Variants in SYNE1 observed in about 807,000 individuals in gnomAD.
SYNE1 encodes spectrin repeat containing nuclear envelope protein 1, also known as nesprin-1.
In SYNE1, 616 loss-of-function variants were observed where a neutral mutation model predicts 1,111.0. The observed-to-expected ratio is 0.55, with a 90% CI of 0.52 to 0.59. SYNE1 has a LOEUF of 0.59. Among genes scored for constraint, SYNE1 ranks in the 20% least tolerant of loss-of-function variants. SYNE1 has a pLI of 0.00. For synonymous variants in SYNE1, 3,855 were observed against 3,825.8 expected (o/e 1.01, Z -0.28); for missense variants, 10,006 against 10,417.0 (o/e 0.96, Z 1.72).
At position 152,221,519 on chromosome 6, in the gene SYNE1, T is replaced by C. The variant is rs565754195; in HGVS notation, c.21563A>G (p.Gln7188Arg). 3.1e-6 allele frequency: 5 copies of C among 1,614,020 alleles called. No individual in the cohort carries two copies. Among genetic ancestry groups the C allele is most frequent in the Non-Finnish European group, 4.2e-6 (5 of 1,179,952 alleles). ...DDLEKQERSL[Q>R]KFGSITNQLL... ...TTGGTTGGTGATAGAGCCAAATTTCTGTAAGCTCCTTTCCTGTTTTTCCAG... is the reference window on the plus strand; with the variant it reads ...TTGGTTGGTGATAGAGCCAAATTTCCGTAAGCTCCTTTCCTGTTTTTCCAG... The change falls in exon 118 of 146, where the codon CAG (glutamine) becomes CGG (arginine). Residue 7188 changes from glutamine to arginine, a missense_variant. Gln to Arg is a conservative substitution (Grantham distance 43, BLOSUM62 1). Transcript: ENST00000367255.
intron 3 of SYNE1, among the ~76,000 whole-genome samples, chr6:152,608,673 C>T (rs955105030): frequency 2.6e-5 from 4 of 152,170 alleles, no homozygotes; most frequent in African/African-American, 4.8e-5. Flanking sequence ...CAGTGGCTCA[C>T]GCCTATAATG....
chr6:152,322,988 T>A (rs2095917610), intron 82 of SYNE1, among the ~76,000 whole-genome samples: 1 of 152,190 alleles, frequency 6.6e-6, no homozygotes, highest in Admixed American at 6.5e-5. Flanking sequence ...TGGTTCACCA[T>A]CGTATCTCTA....
intron 16 of SYNE1, among the ~76,000 whole-genome samples, chr6:152,467,265 G>C (rs1181099898): frequency 6.6e-6 from 1 of 152,002 alleles, no homozygotes; most frequent in African/African-American, 2.4e-5. Flanking sequence ...TGAGAATAAA[G>C]TCAGACAATA....
At chr6:152,495,120 T>A (rs1380674497) in intron 11 of SYNE1, among the ~76,000 whole-genome samples, 1 of 152,190 alleles carries the variant, frequency 6.6e-6, no homozygotes, top group Admixed American at 6.5e-5. Context: ...CTTTCCATCA[T>A]GGAAATCTAT....
intron 116 of SYNE1, among the ~76,000 whole-genome samples, chr6:152,224,912 TATATGTATATATATACATATATAC>T (rs1413025874): frequency 2.0e-5 from 3 of 147,444 alleles, no homozygotes; most frequent in Non-Finnish European, 4.5e-5. Context: ...AATATATATA[TATATGTATATATATACATATATAC>T]ATATGTATAC....
intron 39 of SYNE1, among the ~76,000 whole-genome samples, chr6:152,421,632 CA>C (rs566364280): frequency 8.6e-5 from 13 of 151,940 alleles, no homozygotes; most frequent in African/African-American, 9.6e-5. Flanking sequence ...CGCAAGTTTC[CA>C]AACTAAGGTT....
At chr6:152,353,550 G>A (rs1563292105) in intron 68 of SYNE1, 39 bp downstream of exon 68, 1 of 1,614,012 alleles carries the variant, frequency 6.2e-7, no homozygotes, top group East Asian at 2.2e-5. Flanking sequence ...GGCTGGCGAA[G>A]TTTGCTGGTC....
In SYNE1 at chr6:152,329,885, C is replaced by T. The variant is rs768728823; in HGVS notation, c.14800G>A (p.Val4934Ile). ...TTCATGATTCTCAAGCTGGACTGGA[C>T]CTCTTCCTGATGAATTTGGATTTTT... ...IRKIQIHQEE[V>I]QSSLRIMNAL... Residue 4934 changes from valine (V) to isoleucine (I), a missense_variant, in exon 78 of 146, where the codon GTC (valine) becomes ATC (isoleucine). Coordinates refer to ENST00000367255, the MANE Select transcript of SYNE1 (RefSeq NM_182961.4). The T allele has an allele frequency of 3.1e-6, 5 of 1,614,154 alleles. No homozygotes were observed. The Admixed American group carries it at 5.0e-5, about 16-fold the overall frequency.
chr6:152,609,739 T>C (rs187093485), intron 3 of SYNE1, among the ~76,000 whole-genome samples: 1 of 152,118 alleles, frequency 6.6e-6, no homozygotes, highest in Non-Finnish European at 1.5e-5. Context: ...AGACACCTCA[T>C]ATAGGCAGGT....
In SYNE1 at chr6:152,423,127, G is replaced by A. The variant is rs1360022310; in HGVS notation, c.5267+2254C>T. On this transcript the variant is annotated intron_variant, in intron 39 of 145. Coordinates refer to ENST00000367255, the MANE Select transcript of SYNE1 (RefSeq NM_182961.4). ...CCTTTACCATGTATTCTCTTTGAGG[G>A]CTATACCTGTGAGGTTTCATCTACA... Among the ~76,000 whole-genome samples the A allele has an allele frequency of 2.6e-5, 4 of 152,216 alleles. No homozygotes were observed. The East Asian group carries it at 5.8e-4, about 22-fold the overall frequency.
Position 152,214,980 on chromosome 6 carries a change from A to G in SYNE1, c.22272T>C (p.Asp7424=), listed in dbSNP as rs762616751. 2.5e-6 allele frequency: 4 copies of G among 1,614,026 alleles called. No homozygotes were observed. Among genetic ancestry groups the G allele is most frequent in the Non-Finnish European group, 3.4e-6 (4 of 1,180,004 alleles). Residue 7424 remains aspartate (D), a synonymous_variant, in exon 122 of 146, where the codon GAT becomes GAC. Transcript: ENST00000367255. ...NELGYRLPLN[D]KEIKRMQNLN... is the part of the protein sequence containing the mutation. Reference sequence around the variant, plus strand: ...GATTCTGCATTCTTTTGATTTCCTTATCATTCAAGGGTAACCTATATCCAA... The same window carrying G: ...GATTCTGCATTCTTTTGATTTCCTTGTCATTCAAGGGTAACCTATATCCAA...
In SYNE1 at chr6:152,401,179, A is replaced by C; in HGVS notation, c.6988T>G (p.Cys2330Gly). 1 of 1,614,148 alleles carries C rather than the reference A, an allele frequency of 6.2e-7. No homozygotes were observed. Among genetic ancestry groups the C allele is most frequent in the Non-Finnish European group, 8.5e-7 (1 of 1,180,026 alleles). Residue 2330 changes from cysteine (C) to glycine (G), a missense_variant, in exon 47 of 146, where the codon TGT (cysteine) becomes GGT (glycine). Coordinates refer to ENST00000367255, the MANE Select transcript of SYNE1 (RefSeq NM_182961.4). ...GCTTCACAAGTCTCATTTTGGGCAC[A>C]GTTCATCAACGATTCTTCCACTTTT... is the stretch of plus-strand genomic sequence containing the variant. ...FTKVEESLMN[C>G]AQNETCEALK... is the part of the protein sequence containing the mutation.
chr6:152,425,287 A>G, intron 39 of SYNE1, 94 bp downstream of exon 39: 1 of 1,397,516 alleles, frequency 7.2e-7, no homozygotes, highest in South Asian at 1.3e-5. Context: ...AGTTGAGTTA[A>G]ATAAAAGTAA....
intron 104 of SYNE1, among the ~76,000 whole-genome samples, chr6:152,250,471 A>C (rs1369157501): frequency 3.3e-5 from 5 of 152,176 alleles, no homozygotes; most frequent in Non-Finnish European, 7.4e-5. Context: ...AACATCTATA[A>C]GAACATGTGA....
At position 152,516,669 on chromosome 6, in the gene SYNE1, C is replaced by A. The variant is rs527327640; in HGVS notation, c.309+3790G>T. ...TCACAGCTCACCGTAGCCTCAACCTCCCAGGCTCAAGAGATCCTCCCACCT... is the reference window on the plus strand; with the variant it reads ...TCACAGCTCACCGTAGCCTCAACCTACCAGGCTCAAGAGATCCTCCCACCT... On this transcript the variant is annotated intron_variant, in intron 6 of 145. Coordinates refer to ENST00000367255, the MANE Select transcript of SYNE1 (RefSeq NM_182961.4). 1.4e-4 allele frequency among the ~76,000 whole-genome samples: 21 copies of A among 152,250 alleles called. No individual in the cohort carries two copies. In the East Asian group the frequency reaches 3.9e-3, roughly 28 times the overall value.
chr6:152,454,380 G>A (rs764455696), intron 24 of SYNE1, among the ~76,000 whole-genome samples: 6 of 152,184 alleles, frequency 3.9e-5, no homozygotes, highest in Non-Finnish European at 8.8e-5. Context: ...GCGCTTATGA[G>A]GAGGGACACC....
rs1219406523 is a variant in SYNE1 at position 152,191,074 on chromosome 6, GATTA to G, written c.23146-1671_23146-1668del. 2.0e-4 allele frequency among the ~76,000 whole-genome samples: 30 copies of G among 152,292 alleles called. 1 individual carries two copies. The highest frequency in any genetic ancestry group is 7.2e-4 in the African/African-American group (30 of 41,584). On this transcript the variant is annotated intron_variant, in intron 127 of 145. Transcript: ENST00000367255. ...ATTCTGTTGATCTGATGTACACATT[GATTA>G]ATTTGAGAATGTTCAACCATCATTG...
chr6:152,405,201 C>G (rs574674382), intron 45 of SYNE1, among the ~76,000 whole-genome samples: 8 of 152,180 alleles, frequency 5.3e-5, no homozygotes, highest in Non-Finnish European at 8.8e-5. Context: ...GTGTGTCACA[C>G]AGACAGTGGG....
intron 62 of SYNE1, 45 bp from the exon 63 acceptor site, chr6:152,365,064 C>T: frequency 1.2e-6 from 2 of 1,608,192 alleles, no homozygotes; most frequent in Non-Finnish European, 1.7e-6. Context: ...GTATGTTTAA[C>T]ATTGCTGGCT....
Sources: gnomAD v4.1 joint callset for allele counts (sites outside exome capture counted in the v4.1 genomes callset) on GRCh38, gnomAD v4.1.1 for gene constraint, MANE v1.5 for transcripts, NCBI Gene and HGNC (gene_info 2026-07-23, HGNC 2026-07-21) for gene names.